Variants in TARBP1 observed in about 807,000 individuals in gnomAD.
TARBP1 encodes tRNA guanosine 2 -O-methyltransferase TARBP1.
Under a neutral mutation model 178.6 loss-of-function variants are expected in TARBP1, and 144 were observed. That is an observed-to-expected ratio of 0.81 (90% CI 0.70 to 0.93). TARBP1 has a LOEUF of 0.93. Among genes scored for constraint, TARBP1 ranks in the 40% least tolerant of loss-of-function variants. The probability of loss-of-function intolerance (pLI) is 0.00; values close to 1 mark genes in which losing one functional copy is unlikely to be tolerated. For synonymous variants in TARBP1, 787 were observed against 781.0 expected, an observed-to-expected ratio of 1.01 and a Z score of -0.13; for missense variants, 2,067 against 2,011.7, an observed-to-expected ratio of 1.03 and a Z score of -0.53.
At chr1:234,470,104 T>C (rs2031914) in intron 3 of TARBP1, among the ~76,000 whole-genome samples, 12,532 of 151,938 alleles carry the variant, frequency 0.082, 870 homozygotes, top group East Asian at 0.24. Flanking sequence ...CCGTCTCTAC[T>C]AAAAATACAA....
Position 234,478,228 on chromosome 1 carries a change from C to T in TARBP1, c.876G>A (p.Val292=), listed in dbSNP as rs371626162. Reference sequence around the variant, plus strand: ...CGGCCCCCAGCTCCGCCGACACCTCCACCGCCCTCTGCAGCAGGTAGCGCG... The same window carrying T: ...CGGCCCCCAGCTCCGCCGACACCTCTACCGCCCTCTGCAGCAGGTAGCGCG... The part of the protein sequence containing the change: ...KRARYLLQRA[V]EVSAELGADC... The change falls in exon 1 of 30, where the codon GTG becomes GTA. Residue 292 remains valine (V), a synonymous_variant. Transcript: ENST00000040877. 2.4e-4 allele frequency: 382 copies of T among 1,611,788 alleles called. 1 individual carries two copies. The East Asian group carries it at 4.0e-3, about 17-fold the overall frequency.
intron 22 of TARBP1, 105 bp downstream of exon 22, chr1:234,417,979 A>G (rs1426167870): frequency 6.2e-6 from 4 of 644,498 alleles, no homozygotes; most frequent in Non-Finnish European, 9.5e-6. Flanking sequence ...TCAATACAAT[A>G]GGGCAACTGA....
At chr1:234,396,120 A>C (rs1659908546) in intron 26 of TARBP1, among the ~76,000 whole-genome samples, 1 of 152,228 alleles carries the variant, frequency 6.6e-6, no homozygotes, top group South Asian at 2.1e-4. Context: ...AAGCCTCAGC[A>C]TGGAAAGTCT....
At chr1:234,430,952 G>T (rs939087729) in intron 14 of TARBP1, among the ~76,000 whole-genome samples, 1 of 152,160 alleles carries the variant, frequency 6.6e-6, no homozygotes, top group Non-Finnish European at 1.5e-5. Context: ...TTATTGTGAA[G>T]ATTAAGCAAA....
rs561039369 is a variant in TARBP1, at chr1:234,426,790, TC to T, written c.3323+526del. ...CGCAGAAATCAAAACTTAGGGCCTA[TC>T]CCCACACTCATCAAGTTGTACACAT... is the stretch of plus-strand genomic sequence containing the variant. On this transcript the variant is annotated intron_variant, in intron 19 of 29. Coordinates refer to ENST00000040877, the MANE Select transcript of TARBP1 (RefSeq NM_005646.4). Among the ~76,000 whole-genome samples the T allele has an allele frequency of 1.1e-3, 161 of 152,256 alleles. 2 individuals carry two copies. Among genetic ancestry groups the T allele is most frequent in the African/African-American group, 3.7e-3 (153 of 41,564 alleles).
intron 1 of TARBP1, among the ~76,000 whole-genome samples, chr1:234,476,442 C>G (rs1669577626): frequency 6.6e-6 from 1 of 152,154 alleles, no homozygotes; most frequent in South Asian, 2.1e-4. Flanking sequence ...GCACCAGGCA[C>G]AGGGAGAAAC....
intron 9 of TARBP1, among the ~76,000 whole-genome samples, chr1:234,451,766 A>AAAAAAAAAAAAAAACAAACAAAC (rs57636903): frequency 1.2e-4 from 2 of 17,166 alleles, no homozygotes; most frequent in Non-Finnish European, 1.8e-4. Flanking sequence ...AAAAAAAAAA[A>AAAAAAAAAAAAAAACAAACAAAC]TGATGAATGA....
intron 12 of TARBP1, among the ~76,000 whole-genome samples, chr1:234,439,741 G>A (rs368898147): frequency 6.6e-5 from 10 of 152,104 alleles, no homozygotes; most frequent in South Asian, 2.1e-4. Flanking sequence ...CAGGAGAATC[G>A]CTTGAACCCG....
chr1:234,432,843 G>A (rs1336361733), intron 14 of TARBP1, among the ~76,000 whole-genome samples: 1 of 152,204 alleles, frequency 6.6e-6, no homozygotes, highest in Non-Finnish European at 1.5e-5. Context: ...CAAGCATGGA[G>A]GGCAATGATG....
chr1:234,451,845 C>A (rs1666811207), intron 9 of TARBP1, among the ~76,000 whole-genome samples: 1 of 151,776 alleles, frequency 6.6e-6, no homozygotes, highest in Non-Finnish European at 1.5e-5. Flanking sequence ...GTCAATGACG[C>A]TAAAGGAGGT....
chr1:234,478,234 CCTCTG>C lies in TARBP1; in HGVS notation c.865_869del (p.Gln289GlyfsTer29), dbSNP rs1425985113. 6.2e-7 allele frequency: 1 copy of C among 1,611,566 alleles called. No individual in the cohort carries two copies. Among genetic ancestry groups the C allele is most frequent in the Non-Finnish European group, 8.5e-7 (1 of 1,179,484 alleles). On this transcript the variant is annotated frameshift_variant, in exon 1 of 30. Transcript: ENST00000040877. LOFTEE classifies it high-confidence loss of function. ...CCAGCTCCGCCGACACCTCCACCGC[CCTCTG>C]CAGCAGGTAGCGCGCTCGCTTGCGC...
rs1334188372 is a variant in TARBP1, at chr1:234,478,918, G to A, written c.186C>T (p.Arg62=). The stretch of plus-strand genomic sequence containing the variant: ...GCACGAGGTACCCTGCAGCCACCTC[G>A]CGCGCCGCCTCCGGGAGCGCGCCTG... The part of the protein sequence containing the change: ...GGAGALPEAA[R]EVAAGYLVPL... The change falls in exon 1 of 30, where the codon CGC becomes CGT. Residue 62 remains arginine, a synonymous_variant. Coordinates refer to ENST00000040877, the MANE Select transcript of TARBP1 (RefSeq NM_005646.4). 9 of 1,426,942 alleles carry A rather than the reference G, an allele frequency of 6.3e-6. No individual in the cohort carries two copies. The highest frequency in any genetic ancestry group is 3.1e-5 in the East Asian group (1 of 32,616). The allele number at this position is 1,426,942 out of a possible 1,614,324, so 88.4% of individuals were successfully genotyped here.
chr1:234,424,056 G>A (rs1357230622), intron 20 of TARBP1, among the ~76,000 whole-genome samples: 1 of 152,048 alleles, frequency 6.6e-6, no homozygotes, highest in Non-Finnish European at 1.5e-5. Context: ...CTACAGAGAG[G>A]GAATTGTTGC....
chr1:234,471,776 C>G (rs564417846), intron 2 of TARBP1, among the ~76,000 whole-genome samples: 1 of 152,162 alleles, frequency 6.6e-6, no homozygotes, highest in South Asian at 2.1e-4. Flanking sequence ...TATGGATCTA[C>G]TGATTAAAGA....
In TARBP1 at chr1:234,450,582, G is replaced by T; in HGVS notation, c.1723-16C>A. ...AGTCACACAGCTGGAAAAGAAAACAGTTATTACTTTATTTTAAAAACCTAA... is the reference window on the plus strand; with the variant it reads ...AGTCACACAGCTGGAAAAGAAAACATTTATTACTTTATTTTAAAAACCTAA... On this transcript the variant is annotated splice_polypyrimidine_tract_variant and intron_variant, in intron 9 of 29. Coordinates refer to ENST00000040877, the MANE Select transcript of TARBP1 (RefSeq NM_005646.4). 1 of 1,601,548 alleles carries T rather than the reference G, an allele frequency of 6.2e-7. No homozygotes were observed.
chr1:234,425,641 A>T, intron 20 of TARBP1, 32 bp downstream of exon 20: 3 of 1,598,218 alleles, frequency 1.9e-6, no homozygotes, highest in Non-Finnish European at 2.6e-6. Flanking sequence ...GACTGTTAAA[A>T]ACAAAGATAA....
At position 234,478,440 on chromosome 1, in the gene TARBP1, C is replaced by T. The variant is rs774577647; in HGVS notation, c.664G>A (p.Gly222Arg). 7.9e-6 allele frequency: 11 copies of T among 1,389,506 alleles called. No homozygotes were observed. The highest frequency in any genetic ancestry group is 9.4e-6 in the Non-Finnish European group (10 of 1,067,838). 86.1% of individuals were successfully genotyped at this position (1,389,506 alleles called of 1,614,324 possible). A position where few individuals can be genotyped will look rare whatever the true frequency, so the allele number is the denominator to read the frequency against. ...AGCTTCTCCTCTACGCGGCCGGACC[C>T]CAGGGACGCCCCAGGCGCGGCCAGC... ...GGLAAPGASL[G>R]SGRVEEKLLV... is the part of the protein sequence containing the mutation. Residue 222 changes from glycine to arginine, a missense_variant, in exon 1 of 30, where the codon GGG becomes AGG. Coordinates refer to ENST00000040877, the MANE Select transcript of TARBP1 (RefSeq NM_005646.4).
chr1:234,411,370 G>A (rs528378692), intron 22 of TARBP1, among the ~76,000 whole-genome samples: 1 of 152,066 alleles, frequency 6.6e-6, no homozygotes, highest in African/African-American at 2.4e-5. Flanking sequence ...GCATCCGTAG[G>A]GGGCCTGGAA....
Position 234,418,200 on chromosome 1 carries a change from G to A in TARBP1, c.3589C>T (p.Gln1197Ter). 1 of 1,555,568 alleles carries A rather than the reference G, an allele frequency of 6.4e-7. No homozygotes were observed. The highest frequency in any genetic ancestry group is 8.6e-7 in the Non-Finnish European group (1 of 1,162,272). Residue 1197 changes from glutamine (Q) to a stop codon, truncating the protein, a stop_gained, in exon 22 of 30, where the codon CAG (glutamine) becomes TAG (stop). Coordinates refer to ENST00000040877, the MANE Select transcript of TARBP1 (RefSeq NM_005646.4). LOFTEE classifies it high-confidence loss of function. ...FLNGIIDRIF[Q>*]AGFTNNQASI... Reference sequence around the variant, plus strand: ...GCTTGATTGTTGGTGAAACCAGCCTGGAAAATCCTGTCAATAATTCCATTC... The same window carrying A: ...GCTTGATTGTTGGTGAAACCAGCCTAGAAAATCCTGTCAATAATTCCATTC...
Sources: allele counts gnomAD v4.1 joint callset (sites outside exome capture counted in the v4.1 genomes callset), GRCh38; gene constraint gnomAD v4.1.1; transcripts MANE v1.5; gene names NCBI Gene and HGNC (gene_info 2026-07-23, HGNC 2026-07-21).